The following MARCHF7 variants were observed in gnomAD, a reference collection of about 807,000 sequenced individuals.
MARCHF7 encodes the protein E3 ubiquitin-protein ligase MARCHF7.
In MARCHF7, 20 loss-of-function variants were observed where a neutral mutation model predicts 76.5. The ratio of observed to expected loss-of-function variants is 0.26; its 90% CI spans 0.18 to 0.38. MARCHF7 has a LOEUF of 0.38. MARCHF7 is among the 10% of genes least tolerant of loss of function. The probability of loss-of-function intolerance (pLI) is 1.00; values close to 1 mark genes in which losing one functional copy is unlikely to be tolerated. For synonymous variants in MARCHF7, 295 were observed against 293.0 expected, an observed-to-expected ratio of 1.01 and a Z score of -0.07; for missense variants, 797 against 812.9, an observed-to-expected ratio of 0.98 and a Z score of 0.24.
At position 159,748,498 on chromosome 2, in the gene MARCHF7, G is replaced by A. The variant is rs150144842; in HGVS notation, c.1208G>A (p.Arg403Gln). 5.0e-6 allele frequency: 8 copies of A among 1,614,054 alleles called. No homozygotes were observed. Among genetic ancestry groups the A allele is most frequent in the East Asian group, 2.2e-5 (1 of 44,888 alleles). ...RCTPLFSRRR[R>Q]EGRDESSRIP... is the part of the protein sequence containing the mutation. Reference sequence around the variant, plus strand: ...ACACCTTTGTTCTCTAGAAGGAGGCGAGAGGGAAGAGATGAATCTTCAAGG... The same window carrying A: ...ACACCTTTGTTCTCTAGAAGGAGGCAAGAGGGAAGAGATGAATCTTCAAGG... The change falls in exon 7 of 12, where the codon CGA (arginine) becomes CAA (glutamine). Residue 403 changes from arginine (R) to glutamine (Q), a missense_variant. This residue lies in a region of MARCHF7 where 643 missense variants were observed against 631.5 expected (regional missense o/e 1.02). Transcript: ENST00000409175.
At chr2:159,727,684 A>G (rs1393946678) in intron 3 of MARCHF7, among the ~76,000 whole-genome samples, 1 of 152,244 alleles carries the variant, frequency 6.6e-6, no homozygotes, top group African/African-American at 2.4e-5. Flanking sequence ...TTCATGGTAG[A>G]ATGGGAAAAT....
intron 11 of MARCHF7, among the ~76,000 whole-genome samples, chr2:159,767,045 A>G (rs934473063): frequency 2.6e-5 from 4 of 151,718 alleles, no homozygotes; most frequent in Non-Finnish European, 4.4e-5. Context: ...AAGCACTTTC[A>G]TTTTTATAAA....
intron 4 of MARCHF7, among the ~76,000 whole-genome samples, chr2:159,741,692 T>C (rs1704145332): frequency 6.6e-6 from 1 of 152,222 alleles, no homozygotes; most frequent in Admixed American, 6.5e-5. Flanking sequence ...TTTAACTCTT[T>C]TGTTAAACAG....
At chr2:159,731,826 C>T (rs778057866) in intron 4 of MARCHF7, among the ~76,000 whole-genome samples, 3 of 151,802 alleles carry the variant, frequency 2.0e-5, no homozygotes, top group African/African-American at 4.8e-5. Flanking sequence ...AAATTTCAGC[C>T]GGGCACAGTG....
Position 159,748,413 on chromosome 2 carries a change from C to G in MARCHF7, c.1123C>G (p.Gln375Glu). Reference sequence around the variant, plus strand: ...TGAGTCAGATTCAGAAAATTTTAACCAAGAATCTGAAGGTAGAAATACAGG... The same window carrying G: ...TGAGTCAGATTCAGAAAATTTTAACGAAGAATCTGAAGGTAGAAATACAGG... ...SSESDSENFN[Q>E]ESEGRNTGPW... The change falls in exon 7 of 12, where the codon CAA becomes GAA. Residue 375 changes from glutamine to glutamate, a missense_variant. Gln to Glu is a conservative substitution (Grantham distance 29). Transcript: ENST00000409175. 1 of 1,614,020 alleles carries G rather than the reference C, an allele frequency of 6.2e-7. No homozygotes were observed. Among genetic ancestry groups the G allele is most frequent in the Admixed American group, 1.7e-5 (1 of 60,010 alleles).
intron 4 of MARCHF7, among the ~76,000 whole-genome samples, chr2:159,737,878 G>A (rs1034009620): frequency 2.6e-5 from 4 of 152,204 alleles, no homozygotes; most frequent in Non-Finnish European, 5.9e-5. Context: ...CTGTAAAATG[G>A]TACAGCTGTC....
chr2:159,731,566 C>T lies in MARCHF7; in HGVS notation c.153+2391C>T, dbSNP rs978675657. ...GTTCGGGAGTTTGAGACCAGCCTAA[C>T]CAACATGGAGAAACCCCGTCTCTAC... On this transcript the variant is annotated intron_variant, in intron 4 of 11. Transcript: ENST00000409175. Among the ~76,000 whole-genome samples the T allele has an allele frequency of 1.3e-5, 2 of 149,948 alleles. 1 individual carries two copies. Among genetic ancestry groups the T allele is most frequent in the Middle Eastern group, 6.8e-3 (2 of 294 alleles).
intron 1 of MARCHF7, among the ~76,000 whole-genome samples, chr2:159,714,090 C>T (rs1350843341): frequency 6.6e-6 from 1 of 152,210 alleles, no homozygotes; most frequent in Non-Finnish European, 1.5e-5. Flanking sequence ...CGAACTTGGA[C>T]ACAAAAGTCA....
At chr2:159,735,938 G>A (rs1703398952) in intron 4 of MARCHF7, among the ~76,000 whole-genome samples, 1 of 152,128 alleles carries the variant, frequency 6.6e-6, no homozygotes, top group South Asian at 2.1e-4. Flanking sequence ...GACCAGCCTA[G>A]GCAATATAGT....
At chr2:159,727,262 G>A (rs1702276424) in intron 3 of MARCHF7, among the ~76,000 whole-genome samples, 1 of 152,200 alleles carries the variant, frequency 6.6e-6, no homozygotes, top group Non-Finnish European at 1.5e-5. Context: ...TACAGTCAGA[G>A]GCCTTGTAAA....
intron 4 of MARCHF7, among the ~76,000 whole-genome samples, chr2:159,742,001 A>G (rs1026794365): frequency 1.3e-5 from 2 of 152,314 alleles, no homozygotes; most frequent in Non-Finnish European, 2.9e-5. Context: ...TGGTTGAAAT[A>G]TGTTGTCAAT....
Position 159,748,754 on chromosome 2 carries a change from C to A in MARCHF7, c.1464C>A (p.Val488=), listed in dbSNP as rs745425340. Reference sequence around the variant, plus strand: ...CTGGTTCCTTATTCCGGTTTGCAGTCCCTCCAGCACTTGGGAGTAATTTGA... The same window carrying A: ...CTGGTTCCTTATTCCGGTTTGCAGTACCTCCAGCACTTGGGAGTAATTTGA... ...ILPGSLFRFA[V]PPALGSNLTD... Residue 488 remains valine, a synonymous_variant, in exon 7 of 12, where the codon GTC becomes GTA. Transcript: ENST00000409175. 1.9e-6 allele frequency: 3 copies of A among 1,614,068 alleles called. No homozygotes were observed. The highest frequency in any genetic ancestry group is 2.2e-5 in the South Asian group (2 of 91,076).
At chr2:159,743,824 C>G (rs1187200287) in intron 5 of MARCHF7, among the ~76,000 whole-genome samples, 1 of 151,644 alleles carries the variant, frequency 6.6e-6, no homozygotes, top group African/African-American at 2.4e-5. Flanking sequence ...TGGAGGATCG[C>G]TTGGTCCCAG....
intron 4 of MARCHF7, among the ~76,000 whole-genome samples, chr2:159,736,872 T>C (rs1028149465): frequency 6.6e-6 from 1 of 152,258 alleles, no homozygotes; most frequent in Non-Finnish European, 1.5e-5. Context: ...ATTTCTCAGA[T>C]ACACTATATA....
chr2:159,745,343 A>C (rs918084046), intron 5 of MARCHF7, among the ~76,000 whole-genome samples: 1 of 152,110 alleles, frequency 6.6e-6, no homozygotes, highest in African/African-American at 2.4e-5. Context: ...ACAACTATAT[A>C]ACCGGGGATT....
chr2:159,761,405 T>TC (rs1707062466), intron 9 of MARCHF7, among the ~76,000 whole-genome samples: 2 of 116,308 alleles, frequency 1.7e-5, no homozygotes, highest in Non-Finnish European at 3.4e-5. Flanking sequence ...GTGAATCATT[T>TC]CTTTTTTTTT....
chr2:159,749,137 C>T (rs1464451644), intron 7 of MARCHF7, among the ~76,000 whole-genome samples: 3 of 151,876 alleles, frequency 2.0e-5, no homozygotes, highest in South Asian at 2.1e-4. Context: ...CTCCACCACA[C>T]GTGGCTAATT....
chr2:159,728,419 A>G (rs1702412477), intron 3 of MARCHF7, among the ~76,000 whole-genome samples: 1 of 152,258 alleles, frequency 6.6e-6, no homozygotes, highest in African/African-American at 2.4e-5. Context: ...AATACTTTAA[A>G]TGATTCTGAC....
intron 3 of MARCHF7, among the ~76,000 whole-genome samples, chr2:159,723,656 C>G (rs1385543342): frequency 6.6e-6 from 1 of 152,132 alleles, no homozygotes; most frequent in African/African-American, 2.4e-5. Context: ...CTGCCCACTT[C>G]CATCTCACAA....
Sources: allele counts gnomAD v4.1 joint callset (sites outside exome capture counted in the v4.1 genomes callset), GRCh38; gene constraint gnomAD v4.1.1; regional missense constraint gnomAD v4.1.1; transcripts MANE v1.5; gene names NCBI Gene and HGNC (gene_info 2026-07-23, HGNC 2026-07-21).